SHANK2: variants seen among roughly 807,000 people sequenced by gnomAD.
The protein encoded by SHANK2 is SH3 and multiple ankyrin repeat domains protein 2.
A neutral mutation model predicts 133.7 loss-of-function variants in SHANK2; 43 were observed. That is an observed-to-expected ratio of 0.32 (90% CI 0.25 to 0.41). The LOEUF is 0.41. Ranked by LOEUF, SHANK2 falls within the 10% of genes least tolerant of loss-of-function variation. SHANK2 has a pLI of 1.00. For missense variants in SHANK2, 1,994 were observed against 2,235.8 expected (o/e 0.89, Z 2.18); for synonymous variants, 1,017 against 952.8 (o/e 1.07, Z -1.24).
At chr11:71,069,201 T>C (rs1409855504) in intron 9 of SHANK2, among the ~76,000 whole-genome samples, 8 of 149,180 alleles carry the variant, frequency 5.4e-5, no homozygotes, top group African/African-American at 2.0e-4. Context: ...TCAACCACCA[T>C]CATCACCATC....
intron 6 of SHANK2, among the ~76,000 whole-genome samples, chr11:71,098,527 T>G (rs1951666137): frequency 6.6e-6 from 1 of 152,100 alleles, no homozygotes; most frequent in Non-Finnish European, 1.5e-5. Flanking sequence ...AACCATGATG[T>G]GAGAGAAGAC....
At chr11:70,703,805 C>T (rs1565254864) in intron 14 of SHANK2, among the ~76,000 whole-genome samples, 1 of 152,220 alleles carries the variant, frequency 6.6e-6, no homozygotes, top group Non-Finnish European at 1.5e-5. Flanking sequence ...GCCGCGCATG[C>T]ACCTGCTCAC....
chr11:71,142,318 T>A (rs1424418569), intron 3 of SHANK2, among the ~76,000 whole-genome samples: 4 of 152,136 alleles, frequency 2.6e-5, no homozygotes, highest in African/African-American at 9.7e-5. Flanking sequence ...CTGGCCAACA[T>A]GGCAAAACAC....
intron 6 of SHANK2, among the ~76,000 whole-genome samples, chr11:71,097,589 G>A (rs782312756): frequency 8.5e-5 from 13 of 152,188 alleles, no homozygotes; most frequent in Non-Finnish European, 1.6e-4. Flanking sequence ...TCAGAGACAC[G>A]CAGACCCTCC....
intron 14 of SHANK2, among the ~76,000 whole-genome samples, chr11:70,706,244 C>A (rs1394378288): frequency 1.3e-5 from 2 of 152,228 alleles, no homozygotes; most frequent in African/African-American, 4.8e-5. Flanking sequence ...TTCCCCAGCT[C>A]ACATTTCACT....
intron 17 of SHANK2, among the ~76,000 whole-genome samples, chr11:70,642,410 A>G (rs1193576634): frequency 6.6e-6 from 1 of 152,354 alleles, no homozygotes; most frequent in South Asian, 2.1e-4. Flanking sequence ...CCAGTGAGTG[A>G]CAGAGGGGCC....
intron 4 of SHANK2, among the ~76,000 whole-genome samples, chr11:71,115,295 C>A (rs1555100120): frequency 6.6e-6 from 1 of 151,976 alleles, no homozygotes; most frequent in Non-Finnish European, 1.5e-5. Flanking sequence ...CATGGTGAAA[C>A]CCATCTCTAC....
intron 5 of SHANK2, among the ~76,000 whole-genome samples, chr11:71,112,426 A>G (rs959348922): frequency 1.3e-5 from 2 of 152,168 alleles, no homozygotes; most frequent in Admixed American, 1.3e-4. Flanking sequence ...CATGCATCTG[A>G]TATAAGGAGG....
intron 17 of SHANK2, among the ~76,000 whole-genome samples, chr11:70,522,954 C>G (rs2059349507): frequency 6.6e-6 from 1 of 152,248 alleles, no homozygotes; most frequent in Admixed American, 6.5e-5. Context: ...TGAGGCCTCC[C>G]TCCAGACCCG....
chr11:70,796,918 A>G (rs1947926595), intron 14 of SHANK2, among the ~76,000 whole-genome samples: 1 of 152,220 alleles, frequency 6.6e-6, no homozygotes, highest in Non-Finnish European at 1.5e-5. Context: ...ATAGTTGACA[A>G]TCACCATGAC....
intron 17 of SHANK2, among the ~76,000 whole-genome samples, chr11:70,615,095 G>A (rs903701104): frequency 9.9e-5 from 15 of 152,224 alleles, no homozygotes; most frequent in Admixed American, 2.6e-4. Flanking sequence ...GACATCTTCC[G>A]ATGGCAGAGG....
At chr11:70,734,838 C>T (rs536031561) in intron 14 of SHANK2, among the ~76,000 whole-genome samples, 252 of 152,300 alleles carry the variant, frequency 1.7e-3, no homozygotes, top group Admixed American at 4.0e-3. Flanking sequence ...CCCTTGGGGA[C>T]GGCCCTCCTG....
At chr11:70,507,170 C>T (rs546568896) in intron 17 of SHANK2, among the ~76,000 whole-genome samples, 4 of 152,322 alleles carry the variant, frequency 2.6e-5, no homozygotes, top group East Asian at 1.9e-4. Flanking sequence ...TGTGCCCGCC[C>T]GCCCCAGCCT....
intron 4 of SHANK2, among the ~76,000 whole-genome samples, chr11:71,115,484 C>CA (rs1555100161): frequency 6.6e-6 from 1 of 152,078 alleles, no homozygotes; most frequent in African/African-American, 2.4e-5. Context: ...CAAAACAAAA[C>CA]AAAAAACAAA....
intron 10 of SHANK2, among the ~76,000 whole-genome samples, chr11:70,916,107 A>T (rs961949038): frequency 6.6e-6 from 1 of 152,180 alleles, no homozygotes; most frequent in Non-Finnish European, 1.5e-5. Context: ...AAGGGCAATT[A>T]CCACCTTCTT....
chr11:70,472,069 G>T lies in SHANK2; in HGVS notation c.*800C>A, dbSNP rs2058603214. On this transcript the variant is annotated 3_prime_UTR_variant, in exon 26 of 26. Coordinates refer to ENST00000601538, the MANE Select transcript of SHANK2 (RefSeq NM_012309.5). This position sits in a 1 kb window ranked among gnomAD's most constrained non-coding sequence, Gnocchi z 4.4. ...GCACGCTGGCTGGCTCCCTTGGCCA[G>T]GTCTCCCCTCCATTGTGGAATCGTG... The T allele has an allele frequency of 6.5e-6, 1 of 152,672 alleles. No homozygotes were observed. The allele number at this position is 152,672 out of a possible 1,614,324, so 9.5% of individuals were successfully genotyped here.
At chr11:70,854,910 C>G (rs11827283) in intron 11 of SHANK2, among the ~76,000 whole-genome samples, 3,984 of 152,288 alleles carry the variant, frequency 0.026, 159 homozygotes, top group African/African-American at 0.091. Context: ...AGGGAGTGAA[C>G]AGCAAGAGCT....
intron 10 of SHANK2, among the ~76,000 whole-genome samples, chr11:70,900,582 T>C (rs868923281): frequency 2.6e-5 from 4 of 152,178 alleles, no homozygotes; most frequent in Non-Finnish European, 4.4e-5. Context: ...GGATTCTCCT[T>C]CCAAAGAAAA....
intron 17 of SHANK2, among the ~76,000 whole-genome samples, chr11:70,540,248 G>A (rs1554974921): frequency 6.6e-6 from 1 of 152,166 alleles, no homozygotes; most frequent in African/African-American, 2.4e-5. Context: ...GCCTCCCCCA[G>A]GCCAGTGTCC....
Sources: gnomAD v4.1 joint callset for allele counts (sites outside exome capture counted in the v4.1 genomes callset) on GRCh38, gnomAD v4.1.1 for gene constraint, Gnocchi (gnomAD v3.1) non-coding constraint, MANE v1.5 for transcripts, NCBI Gene and HGNC (gene_info 2026-07-23, HGNC 2026-07-21) for gene names.